Variants in ADAMTSL1 observed in about 807,000 individuals in gnomAD.
The protein encoded by ADAMTSL1 is ADAMTS like 1, also known as ADAMTS-like protein 1.
Under a neutral mutation model 201.8 loss-of-function variants are expected in ADAMTSL1, and 126 were observed. The ratio of observed to expected loss-of-function variants is 0.62; its 90% CI spans 0.54 to 0.72. The LOEUF is 0.72. Among genes scored for constraint, ADAMTSL1 ranks in the 30% least tolerant of loss-of-function variants. ADAMTSL1 has a pLI of 0.00. For synonymous variants in ADAMTSL1, 1,121 were observed against 903.4 expected (o/e 1.24, Z -4.32); for missense variants, 2,679 against 2,277.8 (o/e 1.18, Z -3.59).
intron 1 of ADAMTSL1, among the ~76,000 whole-genome samples, chr9:17,913,996 G>A (rs200255771): frequency 1.3e-5 from 2 of 151,396 alleles, no homozygotes; most frequent in African/African-American, 2.4e-5. Flanking sequence ...CTGAATAGAC[G>A]AATAACAGGC....
chr9:17,920,758 C>A lies in ADAMTSL1; in HGVS notation c.87+13836C>A, dbSNP rs184784792. Among the ~76,000 whole-genome samples the A allele has an allele frequency of 3.9e-5, 6 of 152,302 alleles. No individual in the cohort carries two copies. In the East Asian group the frequency reaches 1.2e-3, roughly 29 times the overall value. ...AGGGAAATAGTGTAAATGTTTTAGGCTTTGTGGGCTATACGGTCTTTGTCC... is the reference window on the plus strand; with the variant it reads ...AGGGAAATAGTGTAAATGTTTTAGGATTTGTGGGCTATACGGTCTTTGTCC... On this transcript the variant is annotated intron_variant, in intron 1 of 29. Coordinates refer to the ADAMTSL1 transcript ENST00000680146.
At chr9:18,217,360 T>C (rs1830091637) in intron 2 of ADAMTSL1, among the ~76,000 whole-genome samples, 1 of 152,136 alleles carries the variant, frequency 6.6e-6, no homozygotes, top group Non-Finnish European at 1.5e-5. Context: ...TTGCTTCCCA[T>C]CTTGGGTGCT....
In ADAMTSL1 at chr9:18,520,661, A is replaced by G. The variant is rs1023874191; in HGVS notation, c.192-12586A>G. On this transcript the variant is annotated intron_variant, in intron 2 of 28. Coordinates refer to ENST00000380548, the MANE Select transcript of ADAMTSL1 (RefSeq NM_001040272.6). ...CACTGGGATGAGCTAACATGGCACC[A>G]GGGATGTGTCTGTTCCCAGCCAGCT... Among the ~76,000 whole-genome samples the G allele has an allele frequency of 3.9e-5, 6 of 152,216 alleles. 1 individual carries two copies. The East Asian group carries it at 1.2e-3, about 29-fold the overall frequency.
intron 23 of ADAMTSL1, among the ~76,000 whole-genome samples, chr9:18,850,206 C>G (rs755443908): frequency 6.6e-6 from 1 of 152,190 alleles, no homozygotes; most frequent in Non-Finnish European, 1.5e-5. Context: ...TTCCTGGCAG[C>G]AGGACACAAT....
In ADAMTSL1 at chr9:18,332,409, G is replaced by A. The variant is rs143155282; in HGVS notation, c.207+168428G>A. ...TGCCCCATTTTATCACATAGTTTGA[G>A]TTTTGCCTTCTCTTGCTATCTTTTT... On this transcript the variant is annotated intron_variant, in intron 2 of 29. Transcript: ENST00000680146. Among the ~76,000 whole-genome samples, 186 of 152,174 alleles carry A rather than the reference G, an allele frequency of 1.2e-3. 1 individual carries two copies. The highest frequency in any genetic ancestry group is 4.3e-3 in the African/African-American group (177 of 41,534).
intron 1 of ADAMTSL1, among the ~76,000 whole-genome samples, chr9:18,062,873 A>G (rs937705563): frequency 6.6e-6 from 1 of 151,828 alleles, no homozygotes; most frequent in African/African-American, 2.4e-5. Context: ...TGCTAACATG[A>G]CCTCCTCCTT....
Position 17,990,248 on chromosome 9 carries a change from T to C in ADAMTSL1, c.87+83326T>C, listed in dbSNP as rs567615895. 1.3e-4 allele frequency among the ~76,000 whole-genome samples: 20 copies of C among 152,200 alleles called. No homozygotes were observed. In the South Asian group the frequency reaches 4.1e-3, roughly 32 times the overall value. On this transcript the variant is annotated intron_variant, in intron 1 of 29. Transcript: ENST00000680146. ...TAAGCTTTCCTTTTATGTAGCAAGC[T>C]CGACCTTTGGAAAAGTTAGAGAAAT... is the stretch of plus-strand genomic sequence containing the variant.
Position 18,776,742 on chromosome 9 carries a change from A to T in ADAMTSL1, c.2552-39A>T, listed in dbSNP as rs1549985. ...CTCACTCTGGGTTTTCTCTCTCCCCACCTCTTTCTCTGTCCCTTCGGGTTC... is the reference window on the plus strand; with the variant it reads ...CTCACTCTGGGTTTTCTCTCTCCCCTCCTCTTTCTCTGTCCCTTCGGGTTC... On this transcript the variant is annotated intron_variant, in intron 18 of 28. Transcript: ENST00000380548. 220,954 of 1,501,688 alleles carry T rather than the reference A, an allele frequency of 0.15. 17,693 individuals carry two copies. Among genetic ancestry groups the T allele is most frequent in the African/African-American group, 0.23 (16,495 of 71,640 alleles). The allele number at this position is 1,501,688 out of a possible 1,614,324, so 93.0% of individuals were successfully genotyped here. A position where few individuals can be genotyped will look rare whatever the true frequency, so the allele number is the denominator to read the frequency against.
At chr9:18,273,723 T>C (rs1302156210) in intron 2 of ADAMTSL1, among the ~76,000 whole-genome samples, 4 of 152,216 alleles carry the variant, frequency 2.6e-5, no homozygotes, top group Non-Finnish European at 5.9e-5. Flanking sequence ...TCACTCACAA[T>C]GCCAACCATG....
At chr9:18,498,347 T>A (rs933113962) in intron 1 of ADAMTSL1, among the ~76,000 whole-genome samples, 1 of 151,460 alleles carries the variant, frequency 6.6e-6, no homozygotes, top group African/African-American at 2.4e-5. Flanking sequence ...CCTTTTTTTT[T>A]TTTTTTGAGA....
chr9:18,216,558 G>A (rs1435582925), intron 2 of ADAMTSL1, among the ~76,000 whole-genome samples: 1 of 151,930 alleles, frequency 6.6e-6, no homozygotes, highest in African/African-American at 2.4e-5. Context: ...TGACAGGTAA[G>A]GCCCTAAAGC....
intron 4 of ADAMTSL1, among the ~76,000 whole-genome samples, chr9:18,594,250 A>G (rs1405593888): frequency 2.0e-5 from 3 of 151,654 alleles, no homozygotes; most frequent in Non-Finnish European, 2.9e-5. Flanking sequence ...GATCTCCTTT[A>G]TAAGTTATTT....
chr9:18,600,330 A>G (rs577098880), intron 4 of ADAMTSL1, among the ~76,000 whole-genome samples: 25 of 152,320 alleles, frequency 1.6e-4, no homozygotes, highest in Non-Finnish European at 3.2e-4. Flanking sequence ...TAAACCTCAG[A>G]GAACCCCATC....
In ADAMTSL1 at chr9:18,040,527, G is replaced by A. The variant is rs144886523; in HGVS notation, c.88-123335G>A. Among the ~76,000 whole-genome samples, 131 of 152,216 alleles carry A rather than the reference G, an allele frequency of 8.6e-4. 1 individual carries two copies. The highest frequency in any genetic ancestry group is 2.9e-3 in the African/African-American group (119 of 41,544). On this transcript the variant is annotated intron_variant, in intron 1 of 29. Transcript: ENST00000680146. ...GGGAAATTATACATTATGTGTAGAC[G>A]AAATGTCTGTGCATAGTAGAGCTTG...
intron 23 of ADAMTSL1, among the ~76,000 whole-genome samples, chr9:18,870,036 G>C (rs951269838): frequency 2.6e-5 from 4 of 151,944 alleles, no homozygotes; most frequent in African/African-American, 7.3e-5. Context: ...AGATTGTCTA[G>C]TAAATTTTTC....
chr9:18,763,118 C>A (rs1400387932), intron 16 of ADAMTSL1, among the ~76,000 whole-genome samples: 1 of 152,160 alleles, frequency 6.6e-6, no homozygotes, highest in South Asian at 2.1e-4. Context: ...ATTTACATTC[C>A]CACCCACAGT....
Position 18,070,037 on chromosome 9 carries a change from G to T in ADAMTSL1, c.88-93825G>T, listed in dbSNP as rs552537022. Among the ~76,000 whole-genome samples, 3 of 152,330 alleles carry T rather than the reference G, an allele frequency of 2.0e-5. No individual in the cohort carries two copies. The East Asian group carries it at 5.8e-4, about 29-fold the overall frequency. On this transcript the variant is annotated intron_variant, in intron 1 of 29. Coordinates refer to the ADAMTSL1 transcript ENST00000680146. ...AGTGGAAATGTCTGCATGAGATCTAGAGTAGACCAGTGAGTAAACTCGTCA... is the reference window on the plus strand; with the variant it reads ...AGTGGAAATGTCTGCATGAGATCTATAGTAGACCAGTGAGTAAACTCGTCA...
At chr9:18,784,738 G>C (rs186549597) in intron 19 of ADAMTSL1, among the ~76,000 whole-genome samples, 37 of 152,304 alleles carry the variant, frequency 2.4e-4, no homozygotes, top group Admixed American at 9.1e-4. Flanking sequence ...CATTTATAGA[G>C]CACTTACAAT....
chr9:18,057,428 T>C (rs1194053104), intron 1 of ADAMTSL1, among the ~76,000 whole-genome samples: 1 of 152,190 alleles, frequency 6.6e-6, no homozygotes, highest in African/African-American at 2.4e-5. Context: ...GTTCTCCCAA[T>C]ATGAGTGTTA....
Sources: allele counts gnomAD v4.1 joint callset (sites outside exome capture counted in the v4.1 genomes callset), GRCh38; gene constraint gnomAD v4.1.1; transcripts MANE v1.5; gene names NCBI Gene and HGNC (gene_info 2026-07-23, HGNC 2026-07-21).